The following VPS33A variants were observed in gnomAD, a reference collection of about 807,000 sequenced individuals.
VPS33A encodes the protein VPS33A core subunit of CORVET and HOPS complexes.
Under a neutral mutation model 71.8 loss-of-function variants are expected in VPS33A, and 32 were observed. That is an observed-to-expected ratio of 0.45 (90% CI 0.34 to 0.60). The LOEUF (loss-of-function observed/expected upper bound fraction) is 0.60, where lower values mean the gene tolerates loss of function less well. Among genes scored for constraint, VPS33A ranks in the 20% least tolerant of loss-of-function variants. VPS33A has a pLI of 0.02. For synonymous variants in VPS33A, 311 were observed against 292.7 expected (o/e 1.06, Z -0.64); for missense variants, 625 against 748.5 (o/e 0.84, Z 1.92).
At chr12:122,234,713 T>C (rs1954606993) in intron 11 of VPS33A, among the ~76,000 whole-genome samples, 2 of 151,524 alleles carry the variant, frequency 1.3e-5, no homozygotes, top group East Asian at 3.8e-4. Context: ...CACACTCCAA[T>C]GCCTTCTCTT....
rs1954535848 is a variant in VPS33A at position 122,229,804 on chromosome 12, G to T, written c.*2442C>A. ...CATTTTCTATTTGCATACAAATGAA[G>T]CAATTGAAGTTTTTCAGTCTTCTGC... On this transcript the variant is annotated 3_prime_UTR_variant, in exon 13 of 13. Coordinates refer to ENST00000267199, the MANE Select transcript of VPS33A (RefSeq NM_022916.6). 6.6e-6 allele frequency: 1 copy of T among 152,204 alleles called. No individual in the cohort carries two copies. Among genetic ancestry groups the T allele is most frequent in the Non-Finnish European group, 1.5e-5 (1 of 68,048 alleles). 9.4% of individuals were successfully genotyped at this position (152,204 alleles called of 1,614,324 possible).
chr12:122,244,620 T>C lies in VPS33A; in HGVS notation c.918A>G (p.Ala306=), dbSNP rs750935463. The change falls in exon 7 of 13, where the codon GCA becomes GCG. Residue 306 remains alanine (A), a synonymous_variant. Transcript: ENST00000267199. ...CTTTCTTGCTGAGCACAGAGCCAAC[T>C]GCGTTGAAGTTCTTATCTCGGATCT... The part of the protein sequence containing the change: ...YAEIRDKNFN[A]VGSVLSKKAK... 9 of 1,614,024 alleles carry C rather than the reference T, an allele frequency of 5.6e-6. No individual in the cohort carries two copies. Among genetic ancestry groups the C allele is most frequent in the Non-Finnish European group, 7.6e-6 (9 of 1,179,872 alleles).
intron 6 of VPS33A, among the ~76,000 whole-genome samples, chr12:122,247,353 C>T (rs1371619705): frequency 6.6e-6 from 1 of 151,892 alleles, no homozygotes; most frequent in Non-Finnish European, 1.5e-5. Context: ...TCCTGAACTT[C>T]AGAGCTCTTC....
At chr12:122,260,321 A>T (rs1161096373) in intron 4 of VPS33A, among the ~76,000 whole-genome samples, 1 of 150,436 alleles carries the variant, frequency 6.6e-6, no homozygotes, top group Admixed American at 6.6e-5. Context: ...TTTTTTTGAG[A>T]TAGAGTCTCC....
At chr12:122,260,460 C>T (rs867372563) in intron 4 of VPS33A, among the ~76,000 whole-genome samples, 16 of 151,962 alleles carry the variant, frequency 1.1e-4, no homozygotes, top group Non-Finnish European at 1.6e-4. Context: ...CCACCACACC[C>T]GGTTAATTTT....
intron 3 of VPS33A, 108 bp downstream of exon 3, chr12:122,263,464 G>T: frequency 7.5e-7 from 1 of 1,335,042 alleles, no homozygotes; most frequent in South Asian, 1.9e-5. Flanking sequence ...TTTTCCAAAA[G>T]ACCACCTTGC....
intron 8 of VPS33A, among the ~76,000 whole-genome samples, chr12:122,240,694 G>C (rs1954702237): frequency 6.6e-6 from 1 of 152,172 alleles, no homozygotes; most frequent in Non-Finnish European, 1.5e-5. Flanking sequence ...AGCTTTTACA[G>C]CCCTGTGTTG....
rs1201359333 is a variant in VPS33A, at chr12:122,231,840, TGAGGTCA to T, written c.*399_*405del. 2.2e-5 allele frequency: 7 copies of T among 319,354 alleles called. No individual in the cohort carries two copies. The highest frequency in any genetic ancestry group is 4.3e-5 in the African/African-American group (2 of 46,880). The allele number at this position is 319,354 out of a possible 1,614,324, so 19.8% of individuals were successfully genotyped here. A position where few individuals can be genotyped will look rare whatever the true frequency, so the allele number is the denominator to read the frequency against. On this transcript the variant is annotated 3_prime_UTR_variant, in exon 13 of 13. Transcript: ENST00000267199. Reference sequence around the variant, plus strand: ...GGGAGGCCGAGGCAGGTGGATCACCTGAGGTCAGGAGTTTGAGACCAGCCTGGCCAAC... The same window carrying T: ...GGGAGGCCGAGGCAGGTGGATCACCTGGAGTTTGAGACCAGCCTGGCCAAC...
In VPS33A at chr12:122,231,914, G is replaced by A. The variant is rs978126135; in HGVS notation, c.*332C>T. On this transcript the variant is annotated 3_prime_UTR_variant, in exon 13 of 13. Transcript: ENST00000267199. ...GCTACTAAAAATACAAAAATTAGCC[G>A]GGTGTGGTGGTGCATGCCTGTAGTC... is the stretch of plus-strand genomic sequence containing the variant. 1.3e-5 allele frequency: 5 copies of A among 383,938 alleles called. No individual in the cohort carries two copies. The highest frequency in any genetic ancestry group is 4.1e-5 in the African/African-American group (2 of 48,240). The allele number at this position is 383,938 out of a possible 1,614,324, so 23.8% of individuals were successfully genotyped here.
chr12:122,258,161 G>A (rs1342828504), intron 4 of VPS33A, among the ~76,000 whole-genome samples: 1 of 151,794 alleles, frequency 6.6e-6, no homozygotes, highest in Non-Finnish European at 1.5e-5. Flanking sequence ...AGGCTGAGGC[G>A]GGAGGATTGC....
chr12:122,253,069 GC>G (rs1168899762), intron 4 of VPS33A: 7 of 152,204 alleles, frequency 4.6e-5, no homozygotes, highest in African/African-American at 1.7e-4. Flanking sequence ...CAGGCCCTCT[GC>G]CCCAGGGAGG....
chr12:122,260,948 C>G (rs1954985196), intron 4 of VPS33A, among the ~76,000 whole-genome samples: 1 of 152,196 alleles, frequency 6.6e-6, no homozygotes, highest in African/African-American at 2.4e-5. Context: ...GCGCTCCAGC[C>G]CGGGCGACAG....
intron 4 of VPS33A, among the ~76,000 whole-genome samples, chr12:122,255,741 AGTCCCCTGGTTATAGGAT>A (rs1954909108): frequency 6.6e-6 from 1 of 151,318 alleles, no homozygotes; most frequent in Non-Finnish European, 1.5e-5. Flanking sequence ...AAGCCAAGAA[AGTCCCCTGGTTATAGGAT>A]TAGTCGGTGG....
intron 6 of VPS33A, among the ~76,000 whole-genome samples, chr12:122,245,232 G>A (rs1335225258): frequency 1.3e-5 from 2 of 151,996 alleles, no homozygotes; most frequent in East Asian, 3.8e-4. Flanking sequence ...ATCACACGCT[G>A]TTAGAGAAGC....
At position 122,231,873 on chromosome 12, in the gene VPS33A, A is replaced by G. The variant is rs1253308826; in HGVS notation, c.*373T>C. 1 of 352,672 alleles carries G rather than the reference A, an allele frequency of 2.8e-6. No homozygotes were observed. The highest frequency in any genetic ancestry group is 5.1e-6 in the Non-Finnish European group (1 of 197,770). 21.8% of individuals were successfully genotyped at this position (352,672 alleles called of 1,614,324 possible). ...GGAGTTTGAGACCAGCCTGGCCAAC[A>G]TGGTGAAACACCATGGCTACTAAAA... On this transcript the variant is annotated 3_prime_UTR_variant, in exon 13 of 13. Transcript: ENST00000267199.
intron 1 of VPS33A, among the ~76,000 whole-genome samples, chr12:122,265,162 GCCTGCCGTGGCCTC>G (rs1285196327): frequency 6.6e-6 from 1 of 151,976 alleles, no homozygotes; most frequent in African/African-American, 2.4e-5. Context: ...CAAGCGAGCT[GCCTGCCGTGGCCTC>G]CCAAAGTACT....
At chr12:122,262,371 C>A (rs1750807809) in intron 3 of VPS33A, among the ~76,000 whole-genome samples, 1 of 152,094 alleles carries the variant, frequency 6.6e-6, no homozygotes, top group Non-Finnish European at 1.5e-5. Flanking sequence ...ATCTGTGTCT[C>A]AATAAAAACA....
chr12:122,232,867 G>C lies in VPS33A; in HGVS notation c.1542C>G (p.Val514=), dbSNP rs2136120172. 4 of 1,614,100 alleles carry C rather than the reference G, an allele frequency of 2.5e-6. No individual in the cohort carries two copies. The highest frequency in any genetic ancestry group is 3.4e-6 in the Non-Finnish European group (4 of 1,180,018). ...SRPGWRSIEE[V]LRILPGPHFE... is the part of the protein sequence containing the mutation. ...AGTGGGGCCCTGGGAGGATGCGGAG[G>C]ACCTCCTCGATGCTCCGCCAGCCAG... Residue 514 remains valine, a synonymous_variant, in exon 12 of 13, where the codon GTC becomes GTG. Transcript: ENST00000267199.
In VPS33A at chr12:122,239,441, A is replaced by T. The variant is rs79598736; in HGVS notation, c.1164+437T>A. Among the ~76,000 whole-genome samples, 688 of 152,292 alleles carry T rather than the reference A, an allele frequency of 4.5e-3. 3 individuals carry two copies. The highest frequency in any genetic ancestry group is 8.4e-3 in the Non-Finnish European group (572 of 68,036). ...CTTGCACATTTTGCATTTGCTCTTA[A>T]AAATATTTAAGTGGCCGGGCGCAGT... On this transcript the variant is annotated intron_variant, in intron 9 of 12. Transcript: ENST00000267199.
Sources: gnomAD v4.1 joint callset for allele counts (sites outside exome capture counted in the v4.1 genomes callset) on GRCh38, gnomAD v4.1.1 for gene constraint, MANE v1.5 for transcripts, NCBI Gene and HGNC (gene_info 2026-07-23, HGNC 2026-07-21) for gene names.